UGGT2: variants seen among roughly 807,000 people sequenced by gnomAD.
UGGT2 encodes the protein UDP-glucose:glycoprotein glucosyltransferase 2.
UGGT2 carries 180 observed loss-of-function variants against 192.1 expected under a neutral mutation model. The observed-to-expected ratio is 0.94, with a 90% confidence interval of 0.83 to 1.06. UGGT2 has a LOEUF of 1.06. Among genes scored for constraint, UGGT2 ranks in the 50% least tolerant of loss-of-function variants. The pLI is 0.00. For missense variants in UGGT2, 1,849 were observed against 1,795.7 expected (o/e 1.03, Z -0.54); for synonymous variants, 580 against 591.0 (o/e 0.98, Z 0.27).
In UGGT2 at chr13:95,970,236, C is replaced by T. The variant is rs780935476; in HGVS notation, c.1211G>A (p.Gly404Glu). 1.1e-5 allele frequency: 18 copies of T among 1,612,604 alleles called. No individual in the cohort carries two copies. Among genetic ancestry groups the T allele is most frequent in the Non-Finnish European group, 1.5e-5 (18 of 1,179,226 alleles). ...ATTGCGAAGGCCATTCATCATTTTT[C>T]CTTCTAATTTCAGCATATCCAAAAT... ...FSILDMLKLE[G>E]KMMNGLRNLG... Residue 404 changes from glycine (G) to glutamate (E), a missense_variant, in exon 12 of 39, where the codon GGA becomes GAA. Gly to Glu is a moderately conservative substitution (Grantham distance 98, BLOSUM62 -2). Transcript: ENST00000376747.
At chr13:95,916,949 C>CAGAACCA (rs1222800031) in intron 20 of UGGT2, among the ~76,000 whole-genome samples, 1 of 151,602 alleles carries the variant, frequency 6.6e-6, no homozygotes, top group Non-Finnish European at 1.5e-5. Flanking sequence ...ACAGGGAGAA[C>CAGAACCA]AGAACCAAGT....
chr13:95,970,008 T>C lies in UGGT2; in HGVS notation c.1335+104A>G, dbSNP rs1003005089. The C allele has an allele frequency of 2.1e-5, 26 of 1,224,298 alleles. No homozygotes were observed. The African/African-American group carries it at 3.6e-4, about 17-fold the overall frequency. The allele number at this position is 1,224,298 out of a possible 1,614,324, so 75.8% of individuals were successfully genotyped here. ...GACTTTCTCTTTTCACTGAGAACTGTTCCAAAATGCTGACATTTATCATCA... is the reference window on the plus strand; with the variant it reads ...GACTTTCTCTTTTCACTGAGAACTGCTCCAAAATGCTGACATTTATCATCA... On this transcript the variant is annotated intron_variant, in intron 12 of 38. Transcript: ENST00000376747.
At chr13:95,905,877 T>C (rs1299185089) in intron 20 of UGGT2, among the ~76,000 whole-genome samples, 2 of 152,184 alleles carry the variant, frequency 1.3e-5, no homozygotes, top group Non-Finnish European at 2.9e-5. Context: ...CCATCTGGAA[T>C]CAATTTTTGT....
At chr13:95,989,612 A>G in intron 8 of UGGT2, 1 of 362,494 alleles carries the variant, frequency 2.8e-6, no homozygotes, top group Non-Finnish European at 5.7e-6. Context: ...AATTTCAAAA[A>G]GAAGAAAACC....
At chr13:95,955,408 G>T (rs1159649522) in intron 12 of UGGT2, among the ~76,000 whole-genome samples, 1 of 152,180 alleles carries the variant, frequency 6.6e-6, no homozygotes, top group African/African-American at 2.4e-5. Flanking sequence ...AGTGGGAAAT[G>T]CAAGCTTAAG....
At chr13:95,831,744 A>C (rs1886713520) in intron 38 of UGGT2, among the ~76,000 whole-genome samples, 1 of 152,046 alleles carries the variant, frequency 6.6e-6, no homozygotes. Context: ...ACCAATGCTC[A>C]TTATTATTAA....
chr13:96,019,673 G>A (rs2052456909), intron 4 of UGGT2, among the ~76,000 whole-genome samples: 2 of 152,202 alleles, frequency 1.3e-5, no homozygotes, highest in South Asian at 4.1e-4. Context: ...GCCCCAAGGA[G>A]TGGTATTTTT....
At chr13:95,848,067 A>T (rs1888654183) in intron 36 of UGGT2, among the ~76,000 whole-genome samples, 1 of 152,220 alleles carries the variant, frequency 6.6e-6, no homozygotes, top group Non-Finnish European at 1.5e-5. Flanking sequence ...GATGTGGAGC[A>T]TCTGCTCATA....
Position 96,046,923 on chromosome 13 carries a change from G to T in UGGT2, c.158+6232C>A, listed in dbSNP as rs1372987221. Among the ~76,000 whole-genome samples, 4 of 152,156 alleles carry T rather than the reference G, an allele frequency of 2.6e-5. No homozygotes were observed. In the South Asian group the frequency reaches 6.2e-4, roughly 24 times the overall value. On this transcript the variant is annotated intron_variant, in intron 1 of 38. Coordinates refer to ENST00000376747, the MANE Select transcript of UGGT2 (RefSeq NM_020121.4). ...CAAGGCAGCAGTGAGGCTGGGGGAGGGGCACCCGCCATTGCTGAGGTTTGA... is the reference window on the plus strand; with the variant it reads ...CAAGGCAGCAGTGAGGCTGGGGGAGTGGCACCCGCCATTGCTGAGGTTTGA...
intron 24 of UGGT2, among the ~76,000 whole-genome samples, chr13:95,892,537 T>C (rs1433318799): frequency 6.6e-6 from 1 of 152,166 alleles, no homozygotes; most frequent in Admixed American, 6.5e-5. Context: ...TGCTTAGGTA[T>C]ACACAGTTAA....
At chr13:95,938,974 A>G (rs2049563778) in intron 16 of UGGT2, among the ~76,000 whole-genome samples, 1 of 58,076 alleles carries the variant, frequency 1.7e-5, no homozygotes, top group Non-Finnish European at 4.6e-5. Context: ...TGCTCTTTAG[A>G]AAAAAAATGC....
intron 15 of UGGT2, among the ~76,000 whole-genome samples, chr13:95,942,230 GTGTGT>G (rs1566734925): frequency 8.9e-4 from 42 of 47,124 alleles, no homozygotes; most frequent in African/African-American, 2.1e-3. Context: ...GGGTGTGTGT[GTGTGT>G]GTGTGTGTGT....
At chr13:95,889,075 C>T (rs917110767) in intron 25 of UGGT2, among the ~76,000 whole-genome samples, 4 of 151,980 alleles carry the variant, frequency 2.6e-5, no homozygotes, top group African/African-American at 9.7e-5. Context: ...TTGGCTAATT[C>T]CGTATTTCTT....
At chr13:95,922,392 C>T (rs896546971) in intron 20 of UGGT2, among the ~76,000 whole-genome samples, 9 of 152,176 alleles carry the variant, frequency 5.9e-5, no homozygotes, top group Non-Finnish European at 8.8e-5. Flanking sequence ...TCATTAGAAG[C>T]TCCAGCCTCA....
Position 95,877,786 on chromosome 13 carries a change from A to T in UGGT2, c.3299T>A (p.Val1100Glu). The T allele has an allele frequency of 6.2e-7, 1 of 1,614,026 alleles. No homozygotes were observed. Among genetic ancestry groups the T allele is most frequent in the Non-Finnish European group, 8.5e-7 (1 of 1,179,964 alleles). The change falls in exon 28 of 39, where the codon GTG (valine) becomes GAG (glutamate). Residue 1100 changes from valine to glutamate, a missense_variant. Coordinates refer to ENST00000376747, the MANE Select transcript of UGGT2 (RefSeq NM_020121.4). ...CAGACCCCGAGGAGGCTGTTCTGTC[A>T]CTTTATCAAAGCATTGTCCTTCCAG... ...LLLEGQCFDK[V>E]TEQPPRGLQF...
chr13:96,037,481 G>A (rs535044679), intron 1 of UGGT2, among the ~76,000 whole-genome samples: 1 of 152,330 alleles, frequency 6.6e-6, no homozygotes, highest in Non-Finnish European at 1.5e-5. Flanking sequence ...ACAGGCCTGA[G>A]CCACTGCGCT....
chr13:95,909,897 C>G (rs2048430836), intron 20 of UGGT2, among the ~76,000 whole-genome samples: 1 of 150,424 alleles, frequency 6.6e-6, no homozygotes, highest in Non-Finnish European at 1.5e-5. Flanking sequence ...GACCTCTCAG[C>G]AGAAACCCTA....
At chr13:95,840,610 A>T (rs1309356321) in intron 36 of UGGT2, among the ~76,000 whole-genome samples, 3 of 152,154 alleles carry the variant, frequency 2.0e-5, no homozygotes, top group African/African-American at 7.2e-5. Flanking sequence ...GTGGGAGTGT[A>T]CATTAGTTCA....
intron 1 of UGGT2, among the ~76,000 whole-genome samples, chr13:96,051,325 C>T (rs1035487974): frequency 5.9e-5 from 9 of 152,068 alleles, no homozygotes; most frequent in African/African-American, 1.7e-4. Context: ...CACACCAGGG[C>T]CTGTTGTGGG....
Sources: allele counts gnomAD v4.1 joint callset (sites outside exome capture counted in the v4.1 genomes callset), GRCh38; gene constraint gnomAD v4.1.1; transcripts MANE v1.5; gene names NCBI Gene and HGNC (gene_info 2026-07-23, HGNC 2026-07-21).